The following COG5 variants were observed in gnomAD, a reference collection of about 807,000 sequenced individuals.
COG5 encodes component of oligomeric golgi complex 5.
COG5 carries 86 observed loss-of-function variants against 110.4 expected under a neutral mutation model. The observed-to-expected ratio is 0.78, with a 90% CI of 0.65 to 0.93. The LOEUF is 0.93. Among genes scored for constraint, COG5 ranks in the 40% least tolerant of loss-of-function variants. COG5 has a pLI of 0.00. For synonymous variants in COG5, 360 were observed against 334.6 expected, an observed-to-expected ratio of 1.08 and a Z score of -0.83; for missense variants, 1,077 against 987.0, an observed-to-expected ratio of 1.09 and a Z score of -1.22.
chr7:107,540,786 A>G (rs2520265), intron 5 of COG5, among the ~76,000 whole-genome samples: 41,823 of 151,740 alleles, frequency 0.28, 5,780 homozygotes, highest in East Asian at 0.33. Context: ...CATAAAACCC[A>G]TAACAAGAAA....
At chr7:107,385,562 G>A (rs1790124617) in intron 7 of COG5, among the ~76,000 whole-genome samples, 2 of 152,028 alleles carry the variant, frequency 1.3e-5, no homozygotes, top group African/African-American at 4.8e-5. Context: ...ATTACAACAC[G>A]GATAAACCTT....
chr7:107,385,366 T>C (rs1790112530), intron 7 of COG5, among the ~76,000 whole-genome samples: 1 of 152,224 alleles, frequency 6.6e-6, no homozygotes, highest in African/African-American at 2.4e-5. Context: ...TCTTCTTAAA[T>C]TCTTTTTTAC....
intron 10 of COG5, among the ~76,000 whole-genome samples, chr7:107,358,614 A>C (rs778405196): frequency 2.6e-5 from 4 of 152,172 alleles, no homozygotes; most frequent in Non-Finnish European, 5.9e-5. Flanking sequence ...AGGACCCCAT[A>C]ATTCTCTGTT....
At chr7:107,295,129 A>C (rs1806638164) in intron 12 of COG5, among the ~76,000 whole-genome samples, 2 of 94,942 alleles carry the variant, frequency 2.1e-5, no homozygotes, top group African/African-American at 4.2e-5. Flanking sequence ...TAGAGTCAGG[A>C]TTTCACCATG....
intron 19 of COG5, among the ~76,000 whole-genome samples, chr7:107,221,948 A>G (rs1799960813): frequency 6.6e-6 from 1 of 152,018 alleles, no homozygotes; most frequent in Admixed American, 6.6e-5. Flanking sequence ...GAATATTTAC[A>G]TTTTTCTTTT....
chr7:107,355,299 T>C (rs1316491783), intron 10 of COG5, among the ~76,000 whole-genome samples: 2 of 152,304 alleles, frequency 1.3e-5, no homozygotes, highest in Admixed American at 6.5e-5. Context: ...AAAGTAACTC[T>C]CTTTCTTTGC....
At chr7:107,380,913 A>C (rs1025461415) in intron 7 of COG5, among the ~76,000 whole-genome samples, 1 of 152,196 alleles carries the variant, frequency 6.6e-6, no homozygotes, top group African/African-American at 2.4e-5. Flanking sequence ...ATCCTCAATA[A>C]AATACTGGCA....
chr7:107,551,079 G>A (rs932616497), intron 3 of COG5, among the ~76,000 whole-genome samples: 14 of 149,910 alleles, frequency 9.3e-5, no homozygotes, highest in African/African-American at 3.4e-4. Flanking sequence ...GTCTCGCTCT[G>A]TCGCCCAGGC....
chr7:107,512,124 CATGATTGTATATCT>C (rs1799563408), intron 6 of COG5, among the ~76,000 whole-genome samples: 2 of 152,192 alleles, frequency 1.3e-5, no homozygotes, highest in Admixed American at 1.3e-4. Flanking sequence ...TTGCAGATGA[CATGATTGTATATCT>C]AGAAAACCCC....
chr7:107,552,291 TAAAAC>T (rs1466769875), intron 3 of COG5, among the ~76,000 whole-genome samples: 1 of 152,140 alleles, frequency 6.6e-6, no homozygotes, highest in African/African-American at 2.4e-5. Context: ...AAAACATAAT[TAAAAC>T]TAGTGAGCTT....
chr7:107,232,418 T>C (rs1209866300), intron 18 of COG5, among the ~76,000 whole-genome samples: 1 of 152,216 alleles, frequency 6.6e-6, no homozygotes, highest in Non-Finnish European at 1.5e-5. Flanking sequence ...TATATAATGG[T>C]TTTTTACATA....
chr7:107,277,603 A>G (rs1242742256), intron 14 of COG5, among the ~76,000 whole-genome samples: 1 of 152,170 alleles, frequency 6.6e-6, no homozygotes, highest in Non-Finnish European at 1.5e-5. Context: ...CAATTTCTAC[A>G]TTTTGTAGTG....
chr7:107,350,675 G>A (rs1281284930), intron 10 of COG5, among the ~76,000 whole-genome samples: 2 of 152,094 alleles, frequency 1.3e-5, no homozygotes, highest in Admixed American at 6.5e-5. Flanking sequence ...CTAAAAATGT[G>A]TTCCTCTACA....
At chr7:107,432,495 A>C (rs1222201297) in intron 6 of COG5, among the ~76,000 whole-genome samples, 5 of 152,212 alleles carry the variant, frequency 3.3e-5, no homozygotes, top group African/African-American at 1.2e-4. Flanking sequence ...TGAAATAAGA[A>C]CATGACATAA....
chr7:107,348,125 CAAAAAAA>C (rs34140927), intron 10 of COG5, among the ~76,000 whole-genome samples: 4 of 51,248 alleles, frequency 7.8e-5, no homozygotes, highest in African/African-American at 2.6e-4. Flanking sequence ...GACTCCATCT[CAAAAAAA>C]AAAAAAAAAA....
chr7:107,489,455 T>C lies in COG5; in HGVS notation c.538+37782A>G, dbSNP rs560777317. ...GTGACAAACAATACTGTTATAACCC[T>C]ACCCAAATTTTACTGAAGTTCTAAG... On this transcript the variant is annotated intron_variant, in intron 6 of 21. Transcript: ENST00000297135. 2.6e-5 allele frequency among the ~76,000 whole-genome samples: 4 copies of C among 152,282 alleles called. No homozygotes were observed. The East Asian group carries it at 7.7e-4, about 29-fold the overall frequency.
intron 6 of COG5, among the ~76,000 whole-genome samples, chr7:107,433,815 A>T (rs971807266): frequency 1.3e-5 from 2 of 152,198 alleles, no homozygotes; most frequent in East Asian, 3.8e-4. Flanking sequence ...TTAAAAATAA[A>T]CTGAACTACA....
rs752989307 is a variant in COG5, at chr7:107,201,479, C to T, written c.*2037G>A. On this transcript the variant is annotated 3_prime_UTR_variant, in exon 22 of 22. Transcript: ENST00000297135. The stretch of plus-strand genomic sequence containing the variant: ...GTCTATATTTGCATATACATTGACT[C>T]TTGATGGAAAGACTTAAGAAGATCA... 2.4e-6 allele frequency: 3 copies of T among 1,250,554 alleles called. No individual in the cohort carries two copies. The highest frequency in any genetic ancestry group is 3.5e-6 in the Non-Finnish European group (3 of 854,794). The allele number at this position is 1,250,554 out of a possible 1,614,324, so 77.5% of individuals were successfully genotyped here.
At chr7:107,479,823 A>G (rs78679565) in intron 6 of COG5, among the ~76,000 whole-genome samples, 9,055 of 152,240 alleles carry the variant, frequency 0.059, 339 homozygotes, top group Non-Finnish European at 0.089. Flanking sequence ...TCTATTTTAT[A>G]TATTTTTCAA....
Sources: allele counts gnomAD v4.1 joint callset (sites outside exome capture counted in the v4.1 genomes callset), GRCh38; gene constraint gnomAD v4.1.1; transcripts MANE v1.5; gene names NCBI Gene and HGNC (gene_info 2026-07-23, HGNC 2026-07-21).